Variants in CLEC2L observed in about 807,000 individuals in gnomAD.
CLEC2L encodes C-type lectin domain family 2, member L.
A neutral mutation model predicts 23.6 loss-of-function variants in CLEC2L; 14 were observed. The observed-to-expected ratio is 0.59, with a 90% CI of 0.39 to 0.93. The LOEUF is 0.93. Ranked by LOEUF, CLEC2L falls within the 40% of genes least tolerant of loss-of-function variation. CLEC2L has a pLI of 0.00. For missense variants in CLEC2L, 264 were observed against 282.4 expected (o/e 0.93, Z 0.47); for synonymous variants, 114 against 121.3 (o/e 0.94, Z 0.40).
intron 1 of CLEC2L, chr7:139,534,495 C>T: frequency 1.3e-6 from 1 of 779,890 alleles, no homozygotes; most frequent in Non-Finnish European, 2.4e-6. Flanking sequence ...TAAAAAAAGA[C>T]TGGATTAAAG....
At chr7:139,530,769 C>A (rs1380637068) in intron 1 of CLEC2L, among the ~76,000 whole-genome samples, 1 of 144,694 alleles carries the variant, frequency 6.9e-6, no homozygotes, top group Non-Finnish European at 1.5e-5. Context: ...GCTGAGATCG[C>A]ACCACTGTAC....
At position 139,540,675 on chromosome 7, in the gene CLEC2L, C is replaced by A. The variant is rs35786058; in HGVS notation, c.432+188C>A. 0.011 allele frequency among the ~76,000 whole-genome samples: 1,713 copies of A among 152,330 alleles called. 18 individuals carry two copies. The highest frequency in any genetic ancestry group is 0.018 in the Non-Finnish European group (1,223 of 68,028). The stretch of plus-strand genomic sequence containing the variant: ...AGTCTGAGCAGGTCAATGAGTGGCT[C>A]CAGTTTCCACTTCCATTGTCAAGGC... On this transcript the variant is annotated intron_variant, in intron 3 of 4. Coordinates refer to ENST00000422142, the MANE Select transcript of CLEC2L (RefSeq NM_001080511.4). The surrounding 1 kb of genome is among the most constrained non-coding windows in gnomAD (Gnocchi z 5.8).
At position 139,523,924 on chromosome 7, in the gene CLEC2L, C is replaced by T; in HGVS notation, c.-4C>T. 2.0e-6 allele frequency: 2 copies of T among 976,524 alleles called. No homozygotes were observed. Among genetic ancestry groups the T allele is most frequent in the South Asian group, 4.7e-5 (1 of 21,204 alleles). 60.5% of individuals were successfully genotyped at this position (976,524 alleles called of 1,614,324 possible). On this transcript the variant is annotated 5_prime_UTR_variant, in exon 1 of 5. Coordinates refer to ENST00000422142, the MANE Select transcript of CLEC2L (RefSeq NM_001080511.4). The surrounding 1 kb of genome is among the most constrained non-coding windows in gnomAD (Gnocchi z 4.1). ...CGCGGGCGCGGCGCGGCGGAGCGCC[C>T]CGCATGGAGCCGGCCCGGGAGCCCC...
intron 1 of CLEC2L, among the ~76,000 whole-genome samples, chr7:139,534,808 C>G (rs1269350436): frequency 6.6e-6 from 1 of 151,498 alleles, no homozygotes; most frequent in African/African-American, 2.4e-5. Flanking sequence ...TGTTCTTCCT[C>G]AATTAATGTT....
At chr7:139,533,055 C>T (rs914900897) in intron 1 of CLEC2L, among the ~76,000 whole-genome samples, 4 of 152,170 alleles carry the variant, frequency 2.6e-5, no homozygotes, top group Non-Finnish European at 5.9e-5. Flanking sequence ...ATGATCATAG[C>T]ACACGGCATG....
chr7:139,525,664 C>A (rs565279802), intron 1 of CLEC2L, among the ~76,000 whole-genome samples: 4 of 152,298 alleles, frequency 2.6e-5, no homozygotes, highest in Admixed American at 1.3e-4. Context: ...TTTCTTCATT[C>A]ATTTATTCGT....
intron 1 of CLEC2L, among the ~76,000 whole-genome samples, chr7:139,526,524 C>T (rs551068744): frequency 5.3e-5 from 8 of 152,292 alleles, no homozygotes; most frequent in South Asian, 2.1e-4. Flanking sequence ...CTGCAACATC[C>T]GGGTACCATT....
At chr7:139,538,474 C>T (rs1001723456) in intron 2 of CLEC2L, among the ~76,000 whole-genome samples, 9 of 145,674 alleles carry the variant, frequency 6.2e-5, no homozygotes, top group Admixed American at 2.0e-4. Flanking sequence ...AAGGTCCGGG[C>T]GTGGTGGCTC....
intron 1 of CLEC2L, among the ~76,000 whole-genome samples, chr7:139,529,251 G>A (rs1368748280): frequency 6.6e-6 from 1 of 152,166 alleles, no homozygotes; most frequent in Non-Finnish European, 1.5e-5. Context: ...ACTGTACACT[G>A]AATTCCTATA....
chr7:139,529,804 T>C (rs1260180043), intron 1 of CLEC2L, among the ~76,000 whole-genome samples: 2 of 152,176 alleles, frequency 1.3e-5, no homozygotes, highest in East Asian at 1.9e-4. Flanking sequence ...CAGTGGCTCA[T>C]GCCTATAATC....
intron 1 of CLEC2L, among the ~76,000 whole-genome samples, chr7:139,525,697 C>G (rs1797497013): frequency 6.6e-6 from 1 of 152,190 alleles, no homozygotes; most frequent in Non-Finnish European, 1.5e-5. Flanking sequence ...AGGGTCTGCC[C>G]TAACCTTAAC....
intron 1 of CLEC2L, among the ~76,000 whole-genome samples, chr7:139,531,039 C>T (rs866529122): frequency 3.9e-5 from 6 of 152,152 alleles, no homozygotes; most frequent in Non-Finnish European, 5.9e-5. Flanking sequence ...TCCCAAGAAT[C>T]AGCCCAGCCA....
intron 4 of CLEC2L, among the ~76,000 whole-genome samples, chr7:139,543,582 G>T (rs1797767112): frequency 6.6e-6 from 1 of 152,184 alleles, no homozygotes; most frequent in South Asian, 2.1e-4. Flanking sequence ...GGAAAGGGGT[G>T]ATTTGAGGTA....
chr7:139,533,795 C>T (rs1412837808), intron 1 of CLEC2L, among the ~76,000 whole-genome samples: 2 of 152,164 alleles, frequency 1.3e-5, no homozygotes, highest in Non-Finnish European at 2.9e-5. Flanking sequence ...TAGCAGCAGG[C>T]ACTTGGATGT....
In CLEC2L at chr7:139,540,578, AG is replaced by A; in HGVS notation, c.432+92del. On this transcript the variant is annotated intron_variant, in intron 3 of 4. Coordinates refer to ENST00000422142, the MANE Select transcript of CLEC2L (RefSeq NM_001080511.4). This position sits in a 1 kb window ranked among gnomAD's most constrained non-coding sequence, Gnocchi z 5.8. ...GGGACAGCCACACAGTAAAGGATGC[AG>A]TGTTCCCTGTGACACGTCTCCAAAG... The A allele has an allele frequency of 7.0e-7, 1 of 1,433,504 alleles. No individual in the cohort carries two copies. Among genetic ancestry groups the A allele is most frequent in the Non-Finnish European group, 9.5e-7 (1 of 1,047,712 alleles). 88.8% of individuals were successfully genotyped at this position (1,433,504 alleles called of 1,614,324 possible).
At chr7:139,543,361 C>G (rs974830539) in intron 4 of CLEC2L, among the ~76,000 whole-genome samples, 3 of 152,216 alleles carry the variant, frequency 2.0e-5, no homozygotes, top group Non-Finnish European at 4.4e-5. Context: ...TTCTTGCTCT[C>G]AGAGCCCTGC....
intron 1 of CLEC2L, among the ~76,000 whole-genome samples, chr7:139,535,668 A>G (rs560030875): frequency 6.6e-6 from 1 of 152,364 alleles, no homozygotes; most frequent in South Asian, 2.1e-4. Context: ...GAGAGAACCC[A>G]GAGGATCAGG....
chr7:139,524,084 G>T lies in CLEC2L; in HGVS notation c.157G>T (p.Glu53Ter). Residue 53 changes from glutamate to a stop codon, truncating the protein, a stop_gained, in exon 1 of 5, where the codon GAG (glutamate) becomes TAG (stop). Transcript: ENST00000422142. LOFTEE classifies it high-confidence loss of function. ...GLLRRSGSGY[E>*]GSTSWKAALE... ...GCTGCGGCGATCCGGGTCGGGCTAC[G>T]AGGGCAGCACCAGCTGGAAGGCGGC... 1 of 1,226,992 alleles carries T rather than the reference G, an allele frequency of 8.2e-7. No individual in the cohort carries two copies. The highest frequency in any genetic ancestry group is 1.0e-6 in the Non-Finnish European group (1 of 982,284). 76.0% of individuals were successfully genotyped at this position (1,226,992 alleles called of 1,614,324 possible). A position where few individuals can be genotyped will look rare whatever the true frequency, so the allele number is the denominator to read the frequency against.
At chr7:139,542,949 G>A (rs1170610815) in intron 4 of CLEC2L, among the ~76,000 whole-genome samples, 1 of 152,168 alleles carries the variant, frequency 6.6e-6, no homozygotes, top group Non-Finnish European at 1.5e-5. Context: ...GGAGGAATAG[G>A]CTCTGAGGTG....
Sources: gnomAD v4.1 joint callset for allele counts (sites outside exome capture counted in the v4.1 genomes callset) on GRCh38, gnomAD v4.1.1 for gene constraint, Gnocchi (gnomAD v3.1) non-coding constraint, MANE v1.5 for transcripts, NCBI Gene and HGNC (gene_info 2026-07-23, HGNC 2026-07-21) for gene names.